The following CKM variants were observed in gnomAD, a reference collection of about 807,000 sequenced individuals.
The protein encoded by CKM is creatine kinase M-type.
A neutral mutation model predicts 35.4 loss-of-function variants in CKM; 28 were observed. The observed-to-expected ratio is 0.79, with a 90% CI of 0.59 to 1.08. The LOEUF (loss-of-function observed/expected upper bound fraction) is 1.08. Ranked by LOEUF, CKM falls within the 50% of genes least tolerant of loss-of-function variation. The pLI is 0.00. For synonymous variants in CKM, 215 were observed against 204.4 expected (o/e 1.05, Z -0.44); for missense variants, 484 against 509.8 (o/e 0.95, Z 0.49).
rs1568512456 is a variant in CKM, at chr19:45,317,989, T to G, written c.194-10A>C. 1 of 1,612,398 alleles carries G rather than the reference T, an allele frequency of 6.2e-7. No homozygotes were observed. Among genetic ancestry groups the G allele is most frequent in the Non-Finnish European group, 8.5e-7 (1 of 1,179,548 alleles). Reference sequence around the variant, plus strand: ...ATGATGAAGGGGTGACCTGGAGGGGTGGGGGTGAGGTCAGAGCTGCTTGTC... The same window carrying G: ...ATGATGAAGGGGTGACCTGGAGGGGGGGGGGTGAGGTCAGAGCTGCTTGTC... On this transcript the variant is annotated splice_polypyrimidine_tract_variant and intron_variant, in intron 2 of 7. Transcript: ENST00000221476.
chr19:45,309,918 C>T (rs1209929856), intron 5 of CKM, among the ~76,000 whole-genome samples: 1 of 151,960 alleles, frequency 6.6e-6, no homozygotes, highest in Non-Finnish European at 1.5e-5. Context: ...TATTTAAAAT[C>T]TTGAAATCTT....
At chr19:45,320,599 T>C (rs944318138) in intron 1 of CKM, among the ~76,000 whole-genome samples, 2 of 152,164 alleles carry the variant, frequency 1.3e-5, no homozygotes, top group South Asian at 2.1e-4. Flanking sequence ...GGAAACTCAA[T>C]TTCCCCAGGT....
chr19:45,317,475 C>T (rs7252388), intron 3 of CKM, among the ~76,000 whole-genome samples: 3,028 of 152,006 alleles, frequency 0.02, 90 homozygotes, highest in African/African-American at 0.069. Flanking sequence ...TTAGTAGAGA[C>T]GGGGTTTCAC....
intron 5 of CKM, among the ~76,000 whole-genome samples, chr19:45,311,393 C>T (rs1971108169): frequency 6.6e-6 from 1 of 151,790 alleles, no homozygotes; most frequent in Non-Finnish European, 1.5e-5. Flanking sequence ...GCCACTACGC[C>T]CAGCTAAATT....
chr19:45,319,477 G>C (rs2039036024), intron 2 of CKM, 44 bp downstream of exon 2: 2 of 1,534,046 alleles, frequency 1.3e-6, no homozygotes, highest in African/African-American at 2.7e-5. Flanking sequence ...GCAGCCTCCA[G>C]AGCCCCCATG....
Position 45,318,670 on chromosome 19 carries a change from G to A in CKM, c.194-691C>T, listed in dbSNP as rs917209272. Among the ~76,000 whole-genome samples the A allele has an allele frequency of 5.3e-5, 8 of 152,062 alleles. No individual in the cohort carries two copies. In the East Asian group the frequency reaches 1.5e-3, roughly 29 times the overall value. ...ACCACCGTACCACAGAGGGTCAGGA[G>A]GGTAAGAGACTTGAAAGACCCTCTT... On this transcript the variant is annotated intron_variant, in intron 2 of 7. Transcript: ENST00000221476.
intron 6 of CKM, among the ~76,000 whole-genome samples, chr19:45,308,082 C>T (rs1971071714): frequency 1.3e-5 from 2 of 151,984 alleles, no homozygotes. Flanking sequence ...ACCATGTTGG[C>T]CAGGCTGGTC....
chr19:45,306,651 G>C lies in CKM; in HGVS notation c.*99C>G. Reference sequence around the variant, plus strand: ...GGAGAGAGCCCCCAGGTGGGACTCTGGGACAGGGGGCGGGGCGAGGAGTGA... The same window carrying C: ...GGAGAGAGCCCCCAGGTGGGACTCTCGGACAGGGGGCGGGGCGAGGAGTGA... On this transcript the variant is annotated 3_prime_UTR_variant, in exon 8 of 8. Coordinates refer to ENST00000221476, the MANE Select transcript of CKM (RefSeq NM_001824.5). This position sits in a 1 kb window ranked among gnomAD's most constrained non-coding sequence, Gnocchi z 4.5. 7.5e-7 allele frequency: 1 copy of C among 1,325,184 alleles called. No homozygotes were observed. Among genetic ancestry groups the C allele is most frequent in the Non-Finnish European group, 1.1e-6 (1 of 929,924 alleles). 82.1% of individuals were successfully genotyped at this position (1,325,184 alleles called of 1,614,324 possible).
rs1971141700 is a variant in CKM at position 45,314,816 on chromosome 19, A to G, written c.481+649T>C. ...AGCCTCAACCTCCCGGGCTCAAGTG[A>G]TCCTCCCACCTCAGTCTCCTGAGTA... On this transcript the variant is annotated intron_variant, in intron 4 of 7. Transcript: ENST00000221476. 1.3e-5 allele frequency among the ~76,000 whole-genome samples: 2 copies of G among 151,526 alleles called. 1 individual carries two copies. Among genetic ancestry groups the G allele is most frequent in the South Asian group, 4.2e-4 (2 of 4,806 alleles).
chr19:45,315,296 A>G lies in CKM; in HGVS notation c.481+169T>C, dbSNP rs548286687. Among the ~76,000 whole-genome samples, 4 of 152,212 alleles carry G rather than the reference A, an allele frequency of 2.6e-5. No individual in the cohort carries two copies. In the South Asian group the frequency reaches 8.3e-4, roughly 32 times the overall value. On this transcript the variant is annotated intron_variant, in intron 4 of 7. Transcript: ENST00000221476. Reference sequence around the variant, plus strand: ...TCTGGACAGCATCCCTGAATCTCCAACACAGCAGGTAATGCTGACAGCCCG... The same window carrying G: ...TCTGGACAGCATCCCTGAATCTCCAGCACAGCAGGTAATGCTGACAGCCCG...
At chr19:45,310,116 C>CTTTTTTT (rs56240150) in intron 5 of CKM, among the ~76,000 whole-genome samples, 21 of 93,946 alleles carry the variant, frequency 2.2e-4, no homozygotes, top group Non-Finnish European at 3.2e-4. Context: ...CCAGGCACTG[C>CTTTTTTT]TTTTTTTTTT....
In CKM at chr19:45,315,450, G is replaced by T; in HGVS notation, c.481+15C>A. ...GCTGGGTGACCCCAGCAGTGGACGG[G>T]GTAGGGGCGCTCACCTTCCACAGAG... is the stretch of plus-strand genomic sequence containing the variant. On this transcript the variant is annotated intron_variant, in intron 4 of 7. Transcript: ENST00000221476. 6.3e-7 allele frequency: 1 copy of T among 1,598,230 alleles called. No individual in the cohort carries two copies. The highest frequency in any genetic ancestry group is 1.1e-5 in the South Asian group (1 of 90,886).
Position 45,319,744 on chromosome 19 carries a change from G to A in CKM, c.-18-13C>T. The A allele has an allele frequency of 6.2e-7, 1 of 1,603,314 alleles. No individual in the cohort carries two copies. The highest frequency in any genetic ancestry group is 1.3e-5 in the African/African-American group (1 of 74,830). On this transcript the variant is annotated splice_polypyrimidine_tract_variant and intron_variant, in intron 1 of 7. Coordinates refer to ENST00000221476, the MANE Select transcript of CKM (RefSeq NM_001824.5). ...CGGTGTAGGAGACCTGATGGGCAGG[G>A]CAGGAGGGGAAGATTGAAGATTAGC... is the stretch of plus-strand genomic sequence containing the variant.
chr19:45,312,078 G>C (rs946308636), intron 4 of CKM, among the ~76,000 whole-genome samples, 158 bp from the exon 5 acceptor site: 2 of 152,194 alleles, frequency 1.3e-5, no homozygotes, highest in Non-Finnish European at 2.9e-5. Flanking sequence ...CCACACTTGT[G>C]ACGGCTCCCC....
intron 3 of CKM, among the ~76,000 whole-genome samples, chr19:45,317,257 G>A (rs868608567): frequency 1.3e-5 from 2 of 151,996 alleles, no homozygotes; most frequent in Non-Finnish European, 2.9e-5. Flanking sequence ...ACAGGCACGC[G>A]CCACCATGCC....
intron 6 of CKM, 70 bp from the exon 7 acceptor site, chr19:45,307,720 G>A (rs1242265756): frequency 4.6e-6 from 6 of 1,300,184 alleles, no homozygotes; most frequent in Non-Finnish European, 6.6e-6. Context: ...AACATGGACA[G>A]GGTCCGGAGG....
chr19:45,311,962 C>T, intron 4 of CKM, 42 bp from the exon 5 acceptor site: 1 of 1,610,218 alleles, frequency 6.2e-7, no homozygotes, highest in Non-Finnish European at 8.5e-7. Flanking sequence ...CCTGTCCCAC[C>T]TCAACCAGGG....
At chr19:45,310,372 G>A (rs17875621) in intron 5 of CKM, among the ~76,000 whole-genome samples, 5,583 of 151,176 alleles carry the variant, frequency 0.037, 124 homozygotes, top group Non-Finnish European at 0.056. Context: ...CGCCCGCCTT[G>A]GCCTCCCAAA....
intron 1 of CKM, among the ~76,000 whole-genome samples, chr19:45,320,566 AGCCTGGACT>A (rs1359147707): frequency 6.6e-6 from 1 of 152,190 alleles, no homozygotes; most frequent in Non-Finnish European, 1.5e-5. Context: ...CAGTTGGGTG[AGCCTGGACT>A]AGTCATTCTT....
Sources: allele counts gnomAD v4.1 joint callset (sites outside exome capture counted in the v4.1 genomes callset), GRCh38; gene constraint gnomAD v4.1.1; non-coding constraint Gnocchi (gnomAD v3.1); transcripts MANE v1.5; gene names NCBI Gene and HGNC (gene_info 2026-07-23, HGNC 2026-07-21).